Variants in RPTOR observed in about 807,000 individuals in gnomAD.
RPTOR encodes regulatory associated protein of MTOR complex 1, also known as regulatory-associated protein of mTOR.
RPTOR carries 21 observed loss-of-function variants against 169.9 expected under a neutral mutation model. The observed-to-expected ratio is 0.12, with a 90% CI of 0.09 to 0.18. The LOEUF is 0.18. RPTOR is among the 10% of genes least tolerant of loss of function. The pLI, the probability that RPTOR is intolerant of heterozygous loss-of-function variation, is 1.00. For missense variants in RPTOR, 1,133 were observed against 1,855.9 expected (o/e 0.61, Z 7.16); for synonymous variants, 732 against 753.2 (o/e 0.97, Z 0.46).
intron 10 of RPTOR, among the ~76,000 whole-genome samples, chr17:80,841,600 C>T (rs1381179654): frequency 1.4e-5 from 2 of 138,246 alleles, no homozygotes; most frequent in Admixed American, 1.4e-4. Flanking sequence ...TCACTCTCAC[C>T]GCACTGCAGC....
intron 4 of RPTOR, among the ~76,000 whole-genome samples, chr17:80,718,645 A>G (rs1198008069): frequency 6.6e-6 from 1 of 152,148 alleles, no homozygotes; most frequent in South Asian, 2.1e-4. Flanking sequence ...GTTGTCCCTG[A>G]GAGGGGACTG....
At chr17:80,671,235 C>T (rs1019263846) in intron 3 of RPTOR, among the ~76,000 whole-genome samples, 6 of 152,158 alleles carry the variant, frequency 3.9e-5, no homozygotes, top group East Asian at 1.9e-4. Context: ...TTGTGCTGCC[C>T]GGCAGCCGAT....
chr17:80,682,689 T>G (rs940412609), intron 3 of RPTOR, among the ~76,000 whole-genome samples: 39 of 152,178 alleles, frequency 2.6e-4, no homozygotes, highest in African/African-American at 9.4e-4. Flanking sequence ...AATACTTGAG[T>G]CTATAGAGTT....
Position 80,893,745 on chromosome 17 carries a change from A to G in RPTOR, c.2281A>G (p.Thr761Ala), listed in dbSNP as rs1423426116. 6.2e-7 allele frequency: 1 copy of G among 1,608,862 alleles called. No homozygotes were observed. ...GGCGTTCTCCCCCGGAAACCTCAGC[A>G]CCAGCAGCAGCGCCAGCAGCACCCT... is the stretch of plus-strand genomic sequence containing the variant. ...AVAFSPGNLS[T>A]SSSASSTLGS... Residue 761 changes from threonine (T) to alanine (A), a missense_variant, in exon 20 of 34, where the codon ACC becomes GCC. Thr to Ala is a moderately conservative substitution (Grantham distance 58). Transcript: ENST00000306801.
chr17:80,595,279 C>T (rs2065136756), intron 1 of RPTOR, among the ~76,000 whole-genome samples: 1 of 152,188 alleles, frequency 6.6e-6, no homozygotes, highest in South Asian at 2.1e-4. Context: ...TACACTAGCT[C>T]CAGCTTTTTT....
chr17:80,911,947 A>G (rs975695582), intron 21 of RPTOR, among the ~76,000 whole-genome samples: 6 of 152,158 alleles, frequency 3.9e-5, no homozygotes, highest in South Asian at 2.1e-4. Flanking sequence ...GACCAGAGCA[A>G]CCGGTCCCGA....
At chr17:80,948,879 G>A (rs1336885826) in intron 27 of RPTOR, among the ~76,000 whole-genome samples, 1 of 152,150 alleles carries the variant, frequency 6.6e-6, no homozygotes, top group African/African-American at 2.4e-5. Flanking sequence ...CTGAAGAGCA[G>A]GGCAGTGCGT....
At chr17:80,930,462 G>T (rs111641690) in intron 24 of RPTOR, among the ~76,000 whole-genome samples, 4 of 56,054 alleles carry the variant, frequency 7.1e-5, no homozygotes, top group Admixed American at 5.6e-4. Context: ...CTCATCCCCA[G>T]CTCATCCCCA....
At chr17:80,545,866 C>T (rs2143186219) in intron 1 of RPTOR, 75 bp downstream of exon 1, 2 of 1,330,110 alleles carry the variant, frequency 1.5e-6, no homozygotes, top group Non-Finnish European at 2.0e-6. Flanking sequence ...CGAAAAGTGT[C>T]CTTGGGAAAG....
intron 24 of RPTOR, among the ~76,000 whole-genome samples, chr17:80,929,987 C>T (rs1217971891): frequency 6.6e-6 from 1 of 151,968 alleles, no homozygotes; most frequent in African/African-American, 2.4e-5. Context: ...CTCAGTTCAT[C>T]CTTGGCTCAT....
chr17:80,568,059 A>C (rs1354731981), intron 1 of RPTOR, among the ~76,000 whole-genome samples: 1 of 151,914 alleles, frequency 6.6e-6, no homozygotes, highest in Non-Finnish European at 1.5e-5. Context: ...GGCATGCGCT[A>C]CTATGCCCAG....
At position 80,579,347 on chromosome 17, in the gene RPTOR, C is replaced by G. The variant is rs559668986; in HGVS notation, c.162+33556C>G. Among the ~76,000 whole-genome samples the G allele has an allele frequency of 2.0e-4, 30 of 152,304 alleles. No individual in the cohort carries two copies. The South Asian group carries it at 5.8e-3, about 29-fold the overall frequency. On this transcript the variant is annotated intron_variant, in intron 1 of 33. Transcript: ENST00000306801. ...TAGCTGGGATTACAGGCATGCACCA[C>G]CACTCTGGCTAATTTTGTATTTTTA...
chr17:80,630,838 T>C (rs2065436684), intron 2 of RPTOR, among the ~76,000 whole-genome samples: 1 of 152,164 alleles, frequency 6.6e-6, no homozygotes, highest in Non-Finnish European at 1.5e-5. Flanking sequence ...CACTGAGTGG[T>C]CCCTGGCTTT....
chr17:80,827,190 G>A lies in RPTOR; in HGVS notation c.1136+3967G>A, dbSNP rs146996848. 4.6e-3 allele frequency among the ~76,000 whole-genome samples: 695 copies of A among 152,320 alleles called. 3 individuals are homozygous for A. Among genetic ancestry groups the A allele is most frequent in the Non-Finnish European group, 6.5e-3 (444 of 68,022 alleles). The stretch of plus-strand genomic sequence containing the variant: ...CAGTCATGGCCCTTCTGGTGGACGC[G>A]TCTCCCTCTGCTTAGTAATAGGAGT... On this transcript the variant is annotated intron_variant, in intron 9 of 33. Coordinates refer to ENST00000306801, the MANE Select transcript of RPTOR (RefSeq NM_020761.3).
chr17:80,896,430 A>ACGGCCGCGCTG lies in RPTOR; in HGVS notation c.2401+2565_2401+2566insCGGCCGCGCTG, dbSNP rs2143890034. On this transcript the variant is annotated intron_variant, in intron 20 of 33. Transcript: ENST00000306801. ...CAGCAACACCCCACACGGCCTCGCC[A>ACGGCCGCGCTG]ACACCCCACGGCCATGCCGACACCC... is the stretch of plus-strand genomic sequence containing the variant. Among the ~76,000 whole-genome samples the ACGGCCGCGCTG allele has an allele frequency of 1.9e-5, 2 of 105,458 alleles. 1 individual carries two copies. Among genetic ancestry groups the ACGGCCGCGCTG allele is most frequent in the African/African-American group, 8.3e-5 (2 of 24,204 alleles). 69.2% of individuals were successfully genotyped at this position (105,458 alleles called of 152,430 possible). A position where few individuals can be genotyped will look rare whatever the true frequency, so the allele number is the denominator to read the frequency against.
chr17:80,850,149 G>A (rs956533764), intron 11 of RPTOR, among the ~76,000 whole-genome samples: 2 of 152,178 alleles, frequency 1.3e-5, no homozygotes, highest in Non-Finnish European at 2.9e-5. Flanking sequence ...TAGGCTTTGG[G>A]TGAACCTGCT....
intron 5 of RPTOR, among the ~76,000 whole-genome samples, chr17:80,739,516 C>A (rs1203943969): frequency 6.6e-6 from 1 of 152,152 alleles, no homozygotes; most frequent in Non-Finnish European, 1.5e-5. Context: ...CCAGCAGCAG[C>A]CAATACACAC....
intron 3 of RPTOR, among the ~76,000 whole-genome samples, chr17:80,657,769 T>G (rs138038386): frequency 2.6e-5 from 4 of 152,178 alleles, no homozygotes; most frequent in Non-Finnish European, 5.9e-5. Context: ...AGTTGGAATA[T>G]TTAGTCCATT....
chr17:80,686,336 G>A lies in RPTOR; in HGVS notation c.349-21505G>A, dbSNP rs556170974. Among the ~76,000 whole-genome samples the A allele has an allele frequency of 7.8e-4, 117 of 150,350 alleles. 3 individuals are homozygous for A. The South Asian group carries it at 0.022, about 29-fold the overall frequency. On this transcript the variant is annotated intron_variant, in intron 3 of 33. Transcript: ENST00000306801. ...TGAGTAGCTGGGACTACAGGCGCCC[G>A]CCACCACGCCTGGCTAATTTTTTTA...
Sources: allele counts gnomAD v4.1 joint callset (sites outside exome capture counted in the v4.1 genomes callset), GRCh38; gene constraint gnomAD v4.1.1; transcripts MANE v1.5; gene names NCBI Gene and HGNC (gene_info 2026-07-23, HGNC 2026-07-21).